The following PHF2 variants were observed in gnomAD, a reference collection of about 807,000 sequenced individuals.
PHF2 encodes lysine-specific demethylase PHF2.
Under a neutral mutation model 120.5 loss-of-function variants are expected in PHF2, and 27 were observed. The ratio of observed to expected loss-of-function variants is 0.22; its 90% CI spans 0.17 to 0.31. The LOEUF is 0.31. PHF2 is among the 10% of genes least tolerant of loss of function. The pLI, the probability that PHF2 is intolerant of heterozygous loss-of-function variation, is 1.00. For synonymous variants in PHF2, 568 were observed against 592.5 expected (o/e 0.96, Z 0.60); for missense variants, 1,024 against 1,434.8 (o/e 0.71, Z 4.63).
rs779173463 is a variant in PHF2 at position 93,645,746 on chromosome 9, C to T, written c.417C>T (p.Val139=). ...VPKKDGLGLA[V]PAPTFYVSDV... is the part of the protein sequence containing the mutation. ...AGAAAGACGGGCTGGGTCTGGCTGT[C>T]CCGGCCCCCACGTTCTATGTCAGTG... The change falls in exon 4 of 22, where the codon GTC becomes GTT. Residue 139 remains valine, a synonymous_variant. Transcript: ENST00000359246. 6.2e-7 allele frequency: 1 copy of T among 1,610,346 alleles called. No individual in the cohort carries two copies. Among genetic ancestry groups the T allele is most frequent in the Non-Finnish European group, 8.5e-7 (1 of 1,178,706 alleles).
chr9:93,635,603 C>T (rs1026828620), intron 2 of PHF2, among the ~76,000 whole-genome samples: 1 of 152,184 alleles, frequency 6.6e-6, no homozygotes, highest in East Asian at 1.9e-4. Flanking sequence ...GAAATTGCTT[C>T]CCTCCCCTTA....
At chr9:93,675,165 G>T in intron 19 of PHF2, 143 bp downstream of exon 19, 1 of 666,906 alleles carries the variant, frequency 1.5e-6, no homozygotes, top group Non-Finnish European at 2.6e-6. Flanking sequence ...CGTCCCGCTG[G>T]GGTTGGTCAG....
intron 5 of PHF2, among the ~76,000 whole-genome samples, chr9:93,649,977 A>T (rs1826336689): frequency 2.0e-5 from 3 of 151,440 alleles, no homozygotes; most frequent in African/African-American, 7.3e-5. Flanking sequence ...CATGACACAC[A>T]CTCAGTACTC....
chr9:93,594,506 G>A (rs141704946), intron 1 of PHF2, among the ~76,000 whole-genome samples: 64 of 152,278 alleles, frequency 4.2e-4, no homozygotes, highest in African/African-American at 1.3e-3. Flanking sequence ...AGCTGTCATC[G>A]GGTGTACTTC....
At position 93,656,209 on chromosome 9, in the gene PHF2, G is replaced by T. The variant is rs1478415442; in HGVS notation, c.1040+188G>T. Among the ~76,000 whole-genome samples the T allele has an allele frequency of 6.6e-6, 1 of 152,164 alleles. No homozygotes were observed. The highest frequency in any genetic ancestry group is 2.4e-5 in the African/African-American group (1 of 41,440). ...AGGAGGAGGTGGGCCCTGGGTTCAT[G>T]CAGGCCGGCTCCTCAAGGGACCTGG... On this transcript the variant is annotated intron_variant, in intron 8 of 21. Coordinates refer to ENST00000359246, the MANE Select transcript of PHF2 (RefSeq NM_005392.4). The surrounding 1 kb of genome is among the most constrained non-coding windows in gnomAD (Gnocchi z 4.1).
At chr9:93,598,507 A>T (rs761263286) in intron 1 of PHF2, among the ~76,000 whole-genome samples, 11 of 152,096 alleles carry the variant, frequency 7.2e-5, no homozygotes, top group Non-Finnish European at 1.6e-4. Context: ...CCCCCGTCAG[A>T]AGTGGGTTGT....
chr9:93,666,077 G>GC lies in PHF2; in HGVS notation c.2187+23dup. ...GCGTACAAGGTGAGCTGCCTTACAG[G>GC]CCCCCCTCAGTCTCGGGGGGCATCT... On this transcript the variant is annotated intron_variant, in intron 16 of 21. Coordinates refer to ENST00000359246, the MANE Select transcript of PHF2 (RefSeq NM_005392.4). 9 of 1,608,658 alleles carry GC rather than the reference G, an allele frequency of 5.6e-6. No homozygotes were observed. The highest frequency in any genetic ancestry group is 1.1e-5 in the South Asian group (1 of 91,016).
At chr9:93,672,012 A>G (rs1286097401) in intron 17 of PHF2, among the ~76,000 whole-genome samples, 38 of 70,962 alleles carry the variant, frequency 5.4e-4, no homozygotes, top group South Asian at 1.4e-3. Flanking sequence ...GTAGATGCAG[A>G]TGTGGGTGTG....
chr9:93,608,337 T>A (rs1046564855), intron 1 of PHF2, among the ~76,000 whole-genome samples: 1 of 134,492 alleles, frequency 7.4e-6, no homozygotes. Context: ...TAATAATAAT[T>A]ATTATTTTTG....
intron 14 of PHF2, among the ~76,000 whole-genome samples, chr9:93,664,234 G>C (rs1826634397): frequency 6.6e-6 from 1 of 152,148 alleles, no homozygotes; most frequent in Non-Finnish European, 1.5e-5. Flanking sequence ...GACCCACCTG[G>C]GAGTCAGGAG....
intron 1 of PHF2, 31 bp from the exon 2 acceptor site, chr9:93,629,939 C>T: frequency 6.2e-7 from 1 of 1,607,360 alleles, no homozygotes; most frequent in Non-Finnish European, 8.5e-7. Context: ...TGCTGAATGC[C>T]TAGGTAATGG....
chr9:93,622,834 C>T (rs542577319), intron 1 of PHF2, among the ~76,000 whole-genome samples: 65 of 152,300 alleles, frequency 4.3e-4, no homozygotes, highest in Non-Finnish European at 8.1e-4. Flanking sequence ...GCCCTGCTAA[C>T]TGAGCCCCGA....
intron 1 of PHF2, among the ~76,000 whole-genome samples, chr9:93,612,648 G>A (rs1825656402): frequency 6.6e-6 from 1 of 152,256 alleles, no homozygotes; most frequent in African/African-American, 2.4e-5. Flanking sequence ...TTCAGAAGTA[G>A]ATGGAGGTTT....
At chr9:93,607,824 T>G (rs1450866204) in intron 1 of PHF2, among the ~76,000 whole-genome samples, 1 of 152,194 alleles carries the variant, frequency 6.6e-6, no homozygotes, top group Non-Finnish European at 1.5e-5. Flanking sequence ...TTGACTTTTG[T>G]ATATCAATCT....
At chr9:93,640,818 A>G (rs1826161671) in intron 3 of PHF2, among the ~76,000 whole-genome samples, 1 of 152,176 alleles carries the variant, frequency 6.6e-6, no homozygotes, top group Non-Finnish European at 1.5e-5. Context: ...AATTGAGGTA[A>G]TTAGGATTTA....
intron 1 of PHF2, among the ~76,000 whole-genome samples, chr9:93,618,455 G>GCACA (rs898380442): frequency 3.3e-5 from 5 of 152,174 alleles, no homozygotes; most frequent in African/African-American, 1.2e-4. Flanking sequence ...GGGCATACAA[G>GCACA]CACACACACA....
intron 17 of PHF2, among the ~76,000 whole-genome samples, chr9:93,670,764 A>G (rs1182838085): frequency 6.6e-6 from 1 of 152,160 alleles, no homozygotes; most frequent in East Asian, 1.9e-4. Context: ...GTCTCAGAAG[A>G]TTCTTCTGGA....
chr9:93,586,173 T>C (rs1184842198), intron 1 of PHF2, among the ~76,000 whole-genome samples: 1 of 152,176 alleles, frequency 6.6e-6, no homozygotes, highest in Non-Finnish European at 1.5e-5. Context: ...AGGGACCCCA[T>C]GGCCCCGCAT....
At chr9:93,633,988 C>T (rs1487147568) in intron 2 of PHF2, among the ~76,000 whole-genome samples, 2 of 152,138 alleles carry the variant, frequency 1.3e-5, no homozygotes, top group Non-Finnish European at 1.5e-5. Flanking sequence ...CCTGAGCCGC[C>T]GCTGTCCTGG....
Sources: allele counts gnomAD v4.1 joint callset (sites outside exome capture counted in the v4.1 genomes callset), GRCh38; gene constraint gnomAD v4.1.1; non-coding constraint Gnocchi (gnomAD v3.1); transcripts MANE v1.5; gene names NCBI Gene and HGNC (gene_info 2026-07-23, HGNC 2026-07-21).